MYO18B: variants seen among roughly 807,000 people sequenced by gnomAD.
MYO18B encodes the protein unconventional myosin-XVIIIb.
Under a neutral mutation model 273.0 loss-of-function variants are expected in MYO18B, and 204 were observed. The observed-to-expected ratio is 0.75, with a 90% CI of 0.67 to 0.84. The LOEUF is 0.84. Among genes scored for constraint, MYO18B ranks in the 40% least tolerant of loss-of-function variants. The pLI, the probability that MYO18B is intolerant of heterozygous loss-of-function variation, is 0.00. For synonymous variants in MYO18B, 1,330 were observed against 1,305.7 expected, an observed-to-expected ratio of 1.02 and a Z score of -0.40; for missense variants, 3,212 against 3,287.6, an observed-to-expected ratio of 0.98 and a Z score of 0.56.
At chr22:25,955,586 C>T (rs1251400409) in intron 39 of MYO18B, among the ~76,000 whole-genome samples, 1 of 152,224 alleles carries the variant, frequency 6.6e-6, no homozygotes, top group Non-Finnish European at 1.5e-5. Context: ...ATGACATTCA[C>T]TGCTGCCGGA....
rs2087080485 is a variant in MYO18B at position 25,780,193 on chromosome 22, C to G, written c.2206C>G (p.Leu736Val). 1 of 1,603,782 alleles carries G rather than the reference C, an allele frequency of 6.2e-7. No homozygotes were observed. The highest frequency in any genetic ancestry group is 1.7e-5 in the Admixed American group (1 of 58,926). ...NATGRITAAQ[L>V]QTMLLEKSRV... ...TACAGGCCGCATCACAGCTGCTCAG[C>G]TCCAGGTGAGGCCTCTCGGGGGATG... Residue 736 changes from leucine (L) to valine (V), a missense_variant, in exon 9 of 44, where the codon CTC becomes GTC. Transcript: ENST00000335473.
At chr22:25,743,763 C>T in intron 1 of MYO18B, among the ~76,000 whole-genome samples, 1 of 152,162 alleles carries the variant, frequency 6.6e-6, no homozygotes, top group Non-Finnish European at 1.5e-5. Context: ...GATGAGTACT[C>T]TCCCCAGTCG....
intron 40 of MYO18B, among the ~76,000 whole-genome samples, chr22:25,996,334 G>T (rs1933241190): frequency 6.6e-6 from 1 of 152,218 alleles, no homozygotes; most frequent in Non-Finnish European, 1.5e-5. Flanking sequence ...AGCACCTGTT[G>T]CGTGCGAGAT....
At chr22:25,853,998 A>G (rs573396802) in intron 21 of MYO18B, among the ~76,000 whole-genome samples, 2 of 152,330 alleles carry the variant, frequency 1.3e-5, no homozygotes, top group Non-Finnish European at 2.9e-5. Context: ...GGGTGGGCAA[A>G]CTATCAGTTT....
intron 1 of MYO18B, among the ~76,000 whole-genome samples, chr22:25,752,966 C>T (rs995277686): frequency 6.6e-5 from 10 of 152,214 alleles, no homozygotes; most frequent in South Asian, 6.2e-4. Context: ...GCGGAGGGTG[C>T]GCTGGGTCCC....
At chr22:25,929,160 C>A (rs1288597901) in intron 34 of MYO18B, among the ~76,000 whole-genome samples, 163 of 122,128 alleles carry the variant, frequency 1.3e-3, no homozygotes, top group South Asian at 1.7e-3. Flanking sequence ...GAAACTGTCT[C>A]AAAAAAAAAA....
intron 34 of MYO18B, among the ~76,000 whole-genome samples, chr22:25,921,855 T>C (rs113479035): frequency 0.01 from 1,444 of 142,884 alleles, 29 homozygotes; most frequent in African/African-American, 0.036. Context: ...TGTGTGTGTG[T>C]GGTGACTGCC....
intron 14 of MYO18B, 40 bp downstream of exon 14, chr22:25,826,539 C>T (rs747466284): frequency 1.3e-6 from 2 of 1,529,898 alleles, no homozygotes; most frequent in East Asian, 4.5e-5. Flanking sequence ...TGGCCTCTTG[C>T]AGGTGCACAG....
At chr22:25,960,054 A>C (rs1179419234) in intron 39 of MYO18B, among the ~76,000 whole-genome samples, 1 of 152,180 alleles carries the variant, frequency 6.6e-6, no homozygotes, top group African/African-American at 2.4e-5. Flanking sequence ...GAGTTGTTGC[A>C]TGTGAATGAT....
chr22:25,865,722 C>T (rs1467763282), intron 21 of MYO18B, among the ~76,000 whole-genome samples: 1 of 152,148 alleles, frequency 6.6e-6, no homozygotes, highest in African/African-American at 2.4e-5. Context: ...ATGGATCTAA[C>T]TCTGGATCAT....
chr22:25,747,612 G>A (rs2085819929), intron 1 of MYO18B, among the ~76,000 whole-genome samples: 1 of 148,662 alleles, frequency 6.7e-6, no homozygotes, highest in Non-Finnish European at 1.5e-5. Flanking sequence ...TGGAGGAGCT[G>A]AGATTTTTTT....
At chr22:25,925,861 C>A (rs1003656167) in intron 34 of MYO18B, among the ~76,000 whole-genome samples, 17 of 140,788 alleles carry the variant, frequency 1.2e-4, no homozygotes, top group Middle Eastern at 4.0e-3. Context: ...ACTGAGATCG[C>A]GCCATTGCAC....
intron 40 of MYO18B, among the ~76,000 whole-genome samples, chr22:25,993,743 C>T (rs1016856693): frequency 1.3e-5 from 2 of 152,014 alleles, no homozygotes; most frequent in Non-Finnish European, 2.9e-5. Flanking sequence ...GCGAGACAGG[C>T]AAAGGAAGCA....
chr22:25,906,978 T>C (rs887260459), intron 31 of MYO18B, among the ~76,000 whole-genome samples: 1 of 152,202 alleles, frequency 6.6e-6, no homozygotes, highest in African/African-American at 2.4e-5. Flanking sequence ...ACACAGAGCC[T>C]AACCATATCA....
chr22:25,781,743 T>C lies in MYO18B; in HGVS notation c.2221T>C (p.Leu741=). ...ITAAQLQTML[L]EKSRVARQPE... Reference sequence around the variant, plus strand: ...TCTTCTCTCCCTGCAGACAATGCTTTTGGAGAAGAGCCGCGTGGCACGGCA... The same window carrying C: ...TCTTCTCTCCCTGCAGACAATGCTTCTGGAGAAGAGCCGCGTGGCACGGCA... Residue 741 remains leucine, a synonymous_variant, in exon 10 of 44, where the codon TTG becomes CTG. Coordinates refer to ENST00000335473, the MANE Select transcript of MYO18B (RefSeq NM_032608.7). 1 of 1,566,258 alleles carries C rather than the reference T, an allele frequency of 6.4e-7. No individual in the cohort carries two copies. The highest frequency in any genetic ancestry group is 2.3e-5 in the East Asian group (1 of 43,430).
the MYO18B span, among the ~76,000 whole-genome samples, chr22:26,052,780 G>A: frequency 0.019 from 2,869 of 151,388 alleles, 90 homozygotes; most frequent in African/African-American, 0.066. Flanking sequence ...TATGTTGTGA[G>A]TTATGAATTG....
At chr22:25,878,613 T>C (rs1172540343) in intron 25 of MYO18B, among the ~76,000 whole-genome samples, 1 of 152,176 alleles carries the variant, frequency 6.6e-6, no homozygotes, top group Non-Finnish European at 1.5e-5. Flanking sequence ...AAAATTCAAA[T>C]GGCCAATAAA....
intron 11 of MYO18B, among the ~76,000 whole-genome samples, chr22:25,793,957 G>A (rs771327995): frequency 4.6e-5 from 7 of 150,700 alleles, no homozygotes; most frequent in South Asian, 2.1e-4. Flanking sequence ...TTTTTGAGAC[G>A]GAGTCTTGCT....
chr22:25,755,562 C>T (rs1228877034), intron 1 of MYO18B, among the ~76,000 whole-genome samples: 1 of 152,200 alleles, frequency 6.6e-6, no homozygotes, highest in Non-Finnish European at 1.5e-5. Context: ...TCTGTTCCCT[C>T]CAAATCTCAT....
Sources: gnomAD v4.1 joint callset for allele counts (sites outside exome capture counted in the v4.1 genomes callset) on GRCh38, gnomAD v4.1.1 for gene constraint, MANE v1.5 for transcripts, NCBI Gene and HGNC (gene_info 2026-07-23, HGNC 2026-07-21) for gene names.